Variants in TAF3 observed in about 807,000 individuals in gnomAD.
TAF3 encodes the protein transcription initiation factor TFIID subunit 3.
In TAF3, 7 loss-of-function variants were observed where a neutral mutation model predicts 80.6. That is an observed-to-expected ratio of 0.09 (90% CI 0.05 to 0.16). The LOEUF (loss-of-function observed/expected upper bound fraction) is 0.16, where lower values mean the gene tolerates loss of function less well. TAF3 is among the 10% of genes least tolerant of loss of function. The pLI, the probability that TAF3 is intolerant of heterozygous loss-of-function variation, is 1.00. For missense variants in TAF3, 921 were observed against 1,140.2 expected (o/e 0.81, Z 2.77); for synonymous variants, 444 against 446.1 (o/e 1.00, Z 0.06).
At chr10:7,991,756 T>C (rs1292947791) in intron 4 of TAF3, among the ~76,000 whole-genome samples, 2 of 152,214 alleles carry the variant, frequency 1.3e-5, no homozygotes, top group African/African-American at 4.8e-5. Context: ...AGAATTCATA[T>C]AAAGCATGGT....
intron 2 of TAF3, among the ~76,000 whole-genome samples, chr10:7,899,532 C>G (rs889842503): frequency 9.2e-5 from 14 of 152,234 alleles, no homozygotes; most frequent in African/African-American, 3.4e-4. Flanking sequence ...CCTTCTCCAT[C>G]TTCTAGAACA....
At chr10:7,970,370 G>A (rs998095339) in intron 3 of TAF3, among the ~76,000 whole-genome samples, 1 of 152,232 alleles carries the variant, frequency 6.6e-6, no homozygotes, top group African/African-American at 2.4e-5. Flanking sequence ...ACAGCTCTGA[G>A]GGTTTGGTAT....
intron 2 of TAF3, among the ~76,000 whole-genome samples, chr10:7,935,274 CTAAA>C (rs34069819): frequency 0.38 from 56,748 of 149,828 alleles, 11,580 homozygotes; most frequent in Admixed American, 0.5. Flanking sequence ...AACTCTGTTT[CTAAA>C]TAAATAAATA....
At chr10:7,825,538 C>T (rs1011126718) in intron 2 of TAF3, among the ~76,000 whole-genome samples, 2 of 152,128 alleles carry the variant, frequency 1.3e-5, no homozygotes, top group African/African-American at 4.8e-5. Context: ...CTTTTTTTGT[C>T]TCTCTGAATT....
intron 2 of TAF3, among the ~76,000 whole-genome samples, chr10:7,834,921 C>A (rs545418053): frequency 1.3e-5 from 2 of 152,220 alleles, no homozygotes; most frequent in East Asian, 3.9e-4. Flanking sequence ...TACCTAATTT[C>A]TGAGTTTTTT....
chr10:8,014,280 A>G (rs1410589056), intron 6 of TAF3, among the ~76,000 whole-genome samples: 1 of 152,174 alleles, frequency 6.6e-6, no homozygotes, highest in African/African-American at 2.4e-5. Flanking sequence ...CTCAACCAGA[A>G]TTTATGCAGA....
intron 3 of TAF3, among the ~76,000 whole-genome samples, chr10:7,967,788 T>G (rs536391376): frequency 1.3e-5 from 2 of 152,194 alleles, no homozygotes; most frequent in Non-Finnish European, 2.9e-5. Flanking sequence ...TGTAGGAACC[T>G]GGAGATTGCT....
intron 2 of TAF3, among the ~76,000 whole-genome samples, chr10:7,928,166 A>G (rs562798645): frequency 6.6e-6 from 1 of 152,330 alleles, no homozygotes; most frequent in Admixed American, 6.5e-5. Flanking sequence ...ACCTTCCGCA[A>G]TGAAAGGACA....
At chr10:8,014,482 A>G (rs1832084773) in intron 6 of TAF3, among the ~76,000 whole-genome samples, 155 bp from the exon 7 acceptor site, 2 of 152,222 alleles carry the variant, frequency 1.3e-5, no homozygotes, top group South Asian at 4.1e-4. Flanking sequence ...CATAGTCCGC[A>G]TGCCCAACAA....
rs564296251 is a variant in TAF3, at chr10:7,946,536, C to T, written c.410-17384C>T. The stretch of plus-strand genomic sequence containing the variant: ...CTCAGAAGTTTGAGACCAGCCTGGG[C>T]GACGTGGCCAAACCTCGTCTGTATG... On this transcript the variant is annotated intron_variant, in intron 2 of 6. Coordinates refer to ENST00000344293, the MANE Select transcript of TAF3 (RefSeq NM_031923.4). Among the ~76,000 whole-genome samples the T allele has an allele frequency of 5.9e-4, 90 of 152,246 alleles. 4 individuals are homozygous for T. The South Asian group carries it at 0.017, about 29-fold the overall frequency.
In TAF3 at chr10:7,932,771, A is replaced by G. The variant is rs912748713; in HGVS notation, c.410-31149A>G. Among the ~76,000 whole-genome samples, 14 of 141,932 alleles carry G rather than the reference A, an allele frequency of 9.9e-5. No individual in the cohort carries two copies. In the Admixed American group the frequency reaches 1.1e-3, roughly 11 times the overall value. The allele number at this position is 141,932 out of a possible 152,430, so 93.1% of individuals were successfully genotyped here. ...TGGCTGACTACAGCCTCGACCTCTC[A>G]GGCTGAAGCAGTCCTCCCACCTCAG... is the stretch of plus-strand genomic sequence containing the variant. On this transcript the variant is annotated intron_variant, in intron 2 of 6. Coordinates refer to ENST00000344293, the MANE Select transcript of TAF3 (RefSeq NM_031923.4).
chr10:7,881,013 C>G (rs1171051601), intron 2 of TAF3, among the ~76,000 whole-genome samples: 1 of 152,022 alleles, frequency 6.6e-6, no homozygotes, highest in African/African-American at 2.4e-5. Context: ...AAGCTGGAGG[C>G]TGATTTGAGC....
intron 2 of TAF3, among the ~76,000 whole-genome samples, chr10:7,894,768 A>G (rs1837490380): frequency 6.6e-6 from 1 of 152,188 alleles, no homozygotes; most frequent in African/African-American, 2.4e-5. Context: ...AGTGTAGGCT[A>G]AGACTTTATT....
At chr10:7,871,320 A>G (rs947719739) in intron 2 of TAF3, among the ~76,000 whole-genome samples, 1 of 152,224 alleles carries the variant, frequency 6.6e-6, no homozygotes, top group African/African-American at 2.4e-5. Context: ...AATTGTTCCT[A>G]AAACCAGATA....
At chr10:7,951,567 T>C (rs932961160) in intron 2 of TAF3, among the ~76,000 whole-genome samples, 2 of 152,184 alleles carry the variant, frequency 1.3e-5, no homozygotes, top group African/African-American at 2.4e-5. Context: ...CATTTGCCCA[T>C]TGGCCAAAGC....
intron 4 of TAF3, among the ~76,000 whole-genome samples, chr10:7,991,247 T>C (rs1260192458): frequency 2.0e-5 from 3 of 152,008 alleles, no homozygotes; most frequent in Admixed American, 6.6e-5. Context: ...TAAGTGTGTA[T>C]GTGTGTGTGT....
chr10:7,857,146 C>T (rs1434853962), intron 2 of TAF3, among the ~76,000 whole-genome samples: 3 of 152,146 alleles, frequency 2.0e-5, no homozygotes, highest in African/African-American at 7.2e-5. Flanking sequence ...ACAACACATA[C>T]GAATGTCAAA....
At chr10:7,899,417 C>A (rs1837537865) in intron 2 of TAF3, among the ~76,000 whole-genome samples, 2 of 152,174 alleles carry the variant, frequency 1.3e-5, no homozygotes, top group Non-Finnish European at 2.9e-5. Context: ...CGCCTCTGAT[C>A]CCCAGACTCC....
At chr10:7,979,305 C>CTT (rs1831702149) in intron 4 of TAF3, among the ~76,000 whole-genome samples, 1 of 148,772 alleles carries the variant, frequency 6.7e-6, no homozygotes, top group Non-Finnish European at 1.5e-5. Context: ...GATCGCGCCA[C>CTT]TGAACTCCAG....
Sources: allele counts gnomAD v4.1 joint callset (sites outside exome capture counted in the v4.1 genomes callset), GRCh38; gene constraint gnomAD v4.1.1; transcripts MANE v1.5; gene names NCBI Gene and HGNC (gene_info 2026-07-23, HGNC 2026-07-21).